RBMS3: variants seen among roughly 807,000 people sequenced by gnomAD.
RBMS3 encodes RNA binding motif single stranded interacting protein 3.
In RBMS3, 27 loss-of-function variants were observed where a neutral mutation model predicts 66.8. The observed-to-expected ratio is 0.40, with a 90% CI of 0.30 to 0.56. RBMS3 has a LOEUF of 0.56. Among genes scored for constraint, RBMS3 ranks in the 20% least tolerant of loss-of-function variants. The probability of loss-of-function intolerance (pLI) is 0.40; values close to 1 mark genes in which losing one functional copy is unlikely to be tolerated. For synonymous variants in RBMS3, 188 were observed against 183.0 expected (o/e 1.03, Z -0.22); for missense variants, 513 against 549.5 (o/e 0.93, Z 0.66).
At chr3:29,401,408 C>G (rs2039803928) in intron 1 of RBMS3, among the ~76,000 whole-genome samples, 1 of 152,090 alleles carries the variant, frequency 6.6e-6, no homozygotes, top group African/African-American at 2.4e-5. Flanking sequence ...TTTACAGTCT[C>G]TGCATTTACA....
intron 1 of RBMS3, among the ~76,000 whole-genome samples, chr3:29,331,653 C>T (rs930168875): frequency 6.6e-6 from 1 of 151,974 alleles, no homozygotes; most frequent in African/African-American, 2.4e-5. Flanking sequence ...CTCAGCCTCG[C>T]GTGGCTGACC....
chr3:29,637,772 T>C (rs941294000), intron 4 of RBMS3, among the ~76,000 whole-genome samples: 1 of 151,896 alleles, frequency 6.6e-6, no homozygotes, highest in African/African-American at 2.4e-5. Flanking sequence ...AAGCATTTAG[T>C]GCCCATAACA....
At chr3:29,282,813 T>C (rs1559457639) in intron 1 of RBMS3, among the ~76,000 whole-genome samples, 1 of 152,122 alleles carries the variant, frequency 6.6e-6, no homozygotes, top group Non-Finnish European at 1.5e-5. Flanking sequence ...GTGATTAGGG[T>C]TAGGTAATTC....
At chr3:29,868,258 C>T (rs1323404443) in intron 6 of RBMS3, among the ~76,000 whole-genome samples, 1 of 152,122 alleles carries the variant, frequency 6.6e-6, no homozygotes, top group Non-Finnish European at 1.5e-5. Flanking sequence ...ATATTTTTAT[C>T]ATGTGGGTTC....
At chr3:29,422,122 A>T (rs1011453290) in intron 1 of RBMS3, among the ~76,000 whole-genome samples, 1 of 152,170 alleles carries the variant, frequency 6.6e-6, no homozygotes, top group Admixed American at 6.5e-5. Flanking sequence ...GGAGATGGAG[A>T]CAAAAGAGGT....
chr3:29,751,067 A>G (rs979521098), intron 5 of RBMS3, among the ~76,000 whole-genome samples: 3 of 152,160 alleles, frequency 2.0e-5, no homozygotes, highest in African/African-American at 7.2e-5. Flanking sequence ...AAAATTTTTT[A>G]TTATTTGATA....
chr3:29,952,331 T>C (rs1230971436), intron 12 of RBMS3, among the ~76,000 whole-genome samples: 1 of 151,868 alleles, frequency 6.6e-6, no homozygotes, highest in Admixed American at 6.6e-5. Flanking sequence ...TACCAGAAGA[T>C]CAATATTTCC....
intron 6 of RBMS3, among the ~76,000 whole-genome samples, chr3:29,781,863 G>A (rs1202903127): frequency 6.6e-6 from 1 of 151,982 alleles, no homozygotes; most frequent in Non-Finnish European, 1.5e-5. Context: ...GTGACTACCG[G>A]CTTTCCCCCA....
At chr3:29,922,939 T>C (rs2060832159) in intron 10 of RBMS3, among the ~76,000 whole-genome samples, 1 of 152,126 alleles carries the variant, frequency 6.6e-6, no homozygotes, top group Admixed American at 6.5e-5. Context: ...GAAAAGAAAA[T>C]AAATGATTGA....
chr3:29,711,865 A>G (rs966073585), intron 4 of RBMS3, among the ~76,000 whole-genome samples: 3 of 152,178 alleles, frequency 2.0e-5, no homozygotes, highest in African/African-American at 7.2e-5. Flanking sequence ...AACCAACTAC[A>G]TTATTTACCA....
At chr3:29,676,667 T>C (rs2051269210) in intron 4 of RBMS3, among the ~76,000 whole-genome samples, 1 of 152,198 alleles carries the variant, frequency 6.6e-6, no homozygotes, top group South Asian at 2.1e-4. Context: ...CATATTGATA[T>C]CACAGTTTTC....
intron 2 of RBMS3, among the ~76,000 whole-genome samples, chr3:29,454,799 A>G (rs907231621): frequency 1.3e-5 from 2 of 152,368 alleles, no homozygotes; most frequent in East Asian, 1.9e-4. Context: ...GTAGCCCAAC[A>G]TATAAAACAA....
chr3:29,353,446 T>A (rs1475880866), intron 1 of RBMS3, among the ~76,000 whole-genome samples: 2 of 152,014 alleles, frequency 1.3e-5, no homozygotes, highest in African/African-American at 4.8e-5. Flanking sequence ...ATTTATTTCT[T>A]AAATAGCTAT....
intron 14 of RBMS3, among the ~76,000 whole-genome samples, chr3:29,995,593 A>C (rs1699175453): frequency 6.6e-6 from 1 of 150,652 alleles, no homozygotes; most frequent in South Asian, 2.1e-4. Context: ...ACAAGCCAGA[A>C]GAGAGTGGGG....
chr3:29,744,667 C>T (rs2054797420), intron 5 of RBMS3, among the ~76,000 whole-genome samples: 3 of 151,860 alleles, frequency 2.0e-5, no homozygotes, highest in South Asian at 4.2e-4. Context: ...GCCTGTAATC[C>T]GAGCTACTCG....
At chr3:29,758,230 G>A (rs75953999) in intron 5 of RBMS3, among the ~76,000 whole-genome samples, 3,520 of 152,306 alleles carry the variant, frequency 0.023, 140 homozygotes, top group African/African-American at 0.079. Context: ...ACATCAGTCA[G>A]TAGAGAAAAT....
At position 29,664,436 on chromosome 3, in the gene RBMS3, C is replaced by T. The variant is rs192123916; in HGVS notation, c.400-75284C>T. The stretch of plus-strand genomic sequence containing the variant: ...CCAGGAGGCAAAGGTTGCAGTGAGC[C>T]GAGATGGCACGACTGCACTCCATCC... On this transcript the variant is annotated intron_variant, in intron 4 of 14. Transcript: ENST00000383767. Among the ~76,000 whole-genome samples, 366 of 151,952 alleles carry T rather than the reference C, an allele frequency of 2.4e-3. 2 individuals are homozygous for T. The highest frequency in any genetic ancestry group is 8.3e-3 in the African/African-American group (342 of 41,434).
intron 1 of RBMS3, among the ~76,000 whole-genome samples, chr3:29,305,618 C>T (rs2033956765): frequency 6.6e-6 from 1 of 151,932 alleles, no homozygotes; most frequent in South Asian, 2.1e-4. Flanking sequence ...CATACTGTAG[C>T]CAGGGTGACA....
At chr3:29,629,283 A>T (rs1294336568) in intron 4 of RBMS3, among the ~76,000 whole-genome samples, 2 of 152,104 alleles carry the variant, frequency 1.3e-5, no homozygotes, top group African/African-American at 4.8e-5. Flanking sequence ...TTTCTCTGCT[A>T]TCTGCAGGCT....
Sources: gnomAD v4.1 joint callset for allele counts (sites outside exome capture counted in the v4.1 genomes callset) on GRCh38, gnomAD v4.1.1 for gene constraint, MANE v1.5 for transcripts, NCBI Gene and HGNC (gene_info 2026-07-23, HGNC 2026-07-21) for gene names.